KHDRBS2: variants seen among roughly 807,000 people sequenced by gnomAD.
KHDRBS2 encodes KH RNA binding domain containing, signal transduction associated 2.
Under a neutral mutation model 44.3 loss-of-function variants are expected in KHDRBS2, and 26 were observed. The observed-to-expected ratio is 0.59, with a 90% CI of 0.43 to 0.81. KHDRBS2 has a LOEUF of 0.81. Among genes scored for constraint, KHDRBS2 ranks in the 40% least tolerant of loss-of-function variants. The pLI is 0.00. For synonymous variants in KHDRBS2, 194 were observed against 151.1 expected, an observed-to-expected ratio of 1.28 and a Z score of -2.08; for missense variants, 476 against 433.1, an observed-to-expected ratio of 1.10 and a Z score of -0.88.
chr6:61,874,030 CTCTA>C (rs1218874696), intron 6 of KHDRBS2, among the ~76,000 whole-genome samples: 2 of 151,708 alleles, frequency 1.3e-5, no homozygotes, highest in African/African-American at 2.4e-5. Context: ...TATGAACTCT[CTCTA>C]TATATAATTC....
intron 2 of KHDRBS2, among the ~76,000 whole-genome samples, chr6:62,151,511 A>C (rs1303620185): frequency 6.6e-6 from 1 of 152,176 alleles, no homozygotes. Flanking sequence ...TAAGTAAAAG[A>C]AGAAACATTT....
intron 2 of KHDRBS2, among the ~76,000 whole-genome samples, chr6:62,135,063 G>C (rs548239767): frequency 6.6e-6 from 1 of 152,228 alleles, no homozygotes; most frequent in East Asian, 1.9e-4. Context: ...ATGAGATTTG[G>C]GAGGGACCAG....
At chr6:61,690,442 G>A (rs1767269213) in intron 8 of KHDRBS2, among the ~76,000 whole-genome samples, 1 of 151,738 alleles carries the variant, frequency 6.6e-6, no homozygotes, top group African/African-American at 2.4e-5. Flanking sequence ...AAAAGGAAGT[G>A]ATTAAAAAAA....
intron 3 of KHDRBS2, among the ~76,000 whole-genome samples, chr6:62,021,778 G>T (rs1216645530): frequency 1.3e-5 from 2 of 151,404 alleles, no homozygotes; most frequent in African/African-American, 4.8e-5. Context: ...TTTCACTTTT[G>T]CAAACTAATT....
chr6:61,978,317 A>T, intron 3 of KHDRBS2, 105 bp from the exon 4 acceptor site: 1 of 804,470 alleles, frequency 1.2e-6, no homozygotes, highest in African/African-American at 1.8e-5. Context: ...AATTTTCCAT[A>T]ATTTGCTTCC....
intron 4 of KHDRBS2, among the ~76,000 whole-genome samples, chr6:61,942,627 A>C (rs1212500521): frequency 1.3e-5 from 2 of 152,152 alleles, no homozygotes; most frequent in Non-Finnish European, 2.9e-5. Flanking sequence ...CCAGAATGCA[A>C]GGAGAGAACA....
intron 6 of KHDRBS2, among the ~76,000 whole-genome samples, chr6:61,883,266 C>A (rs1800458998): frequency 6.6e-6 from 1 of 151,940 alleles, no homozygotes; most frequent in African/African-American, 2.4e-5. Flanking sequence ...GTCATTTTTG[C>A]CACTGCTGTC....
At chr6:62,201,887 G>C (rs528043129) in intron 1 of KHDRBS2, among the ~76,000 whole-genome samples, 4 of 151,872 alleles carry the variant, frequency 2.6e-5, no homozygotes, top group Non-Finnish European at 5.9e-5. Flanking sequence ...TAAGATTAAA[G>C]ACATAAATAT....
rs189353541 is a variant in KHDRBS2, at chr6:62,276,070, T to C, written c.91+9788A>G. 9.8e-5 allele frequency among the ~76,000 whole-genome samples: 15 copies of C among 152,318 alleles called. No homozygotes were observed. The East Asian group carries it at 2.5e-3, about 26-fold the overall frequency. On this transcript the variant is annotated intron_variant, in intron 1 of 8. Coordinates refer to ENST00000281156, the MANE Select transcript of KHDRBS2 (RefSeq NM_152688.4). ...GTTGCAGTCAGGGCTCATCATTATCTAGCATACAACGCTATGAACCTGCTA... is the reference window on the plus strand; with the variant it reads ...GTTGCAGTCAGGGCTCATCATTATCCAGCATACAACGCTATGAACCTGCTA...
chr6:61,648,422 A>G, the KHDRBS2 span, among the ~76,000 whole-genome samples: 1 of 152,124 alleles, frequency 6.6e-6, no homozygotes, highest in African/African-American at 2.4e-5. Flanking sequence ...CAGTCATTTG[A>G]AGTCCTCTAT....
At chr6:61,868,668 T>C (rs1023692326) in intron 6 of KHDRBS2, among the ~76,000 whole-genome samples, 1 of 151,784 alleles carries the variant, frequency 6.6e-6, no homozygotes, top group Non-Finnish European at 1.5e-5. Flanking sequence ...CCATTTGGGC[T>C]CTCCAAAGCC....
chr6:61,834,823 C>T (rs1792396095), intron 6 of KHDRBS2, among the ~76,000 whole-genome samples: 1 of 151,986 alleles, frequency 6.6e-6, no homozygotes. Context: ...TCTATGTCTA[C>T]TTACAATTTT....
At chr6:61,941,628 C>G (rs1192536877) in intron 4 of KHDRBS2, among the ~76,000 whole-genome samples, 1 of 152,090 alleles carries the variant, frequency 6.6e-6, no homozygotes, top group Non-Finnish European at 1.5e-5. Context: ...CTCCCTAAGC[C>G]ACCAAGAAAA....
At chr6:62,241,837 T>C (rs949553657) in intron 1 of KHDRBS2, among the ~76,000 whole-genome samples, 2 of 152,238 alleles carry the variant, frequency 1.3e-5, no homozygotes, top group Non-Finnish European at 2.9e-5. Context: ...AAATAGGTAT[T>C]ATATATATGC....
chr6:61,905,510 T>C (rs1372639806), intron 4 of KHDRBS2, among the ~76,000 whole-genome samples: 1 of 152,148 alleles, frequency 6.6e-6, no homozygotes, highest in Non-Finnish European at 1.5e-5. Context: ...ACGTTTAAAA[T>C]GTCAGAGAGA....
intron 1 of KHDRBS2, among the ~76,000 whole-genome samples, chr6:62,195,552 CA>C (rs1825504082): frequency 6.6e-6 from 1 of 152,152 alleles, no homozygotes. Context: ...TGTTATAAAG[CA>C]TGGCTCACTA....
intron 2 of KHDRBS2, among the ~76,000 whole-genome samples, chr6:62,128,673 T>TA (rs1477665018): frequency 6.6e-6 from 1 of 151,840 alleles, no homozygotes; most frequent in Non-Finnish European, 1.5e-5. Flanking sequence ...GCTTTAATTT[T>TA]TTTTTGTTCA....
At chr6:61,860,871 G>A (rs538743315) in intron 6 of KHDRBS2, among the ~76,000 whole-genome samples, 2 of 151,940 alleles carry the variant, frequency 1.3e-5, no homozygotes, top group Admixed American at 6.6e-5. Flanking sequence ...CCACAATCTC[G>A]ACAGCATCTG....
At chr6:61,690,859 T>C (rs1166734773) in intron 8 of KHDRBS2, among the ~76,000 whole-genome samples, 1 of 152,052 alleles carries the variant, frequency 6.6e-6, no homozygotes, top group Non-Finnish European at 1.5e-5. Flanking sequence ...AATTTGGTCT[T>C]ATTACTGTAA....
Sources: gnomAD v4.1 joint callset for allele counts (sites outside exome capture counted in the v4.1 genomes callset) on GRCh38, gnomAD v4.1.1 for gene constraint, MANE v1.5 for transcripts, NCBI Gene and HGNC (gene_info 2026-07-23, HGNC 2026-07-21) for gene names.